The following RPA3 variants were observed in gnomAD, a reference collection of about 807,000 sequenced individuals.
The protein encoded by RPA3 is replication protein A 14 kDa subunit.
RPA3 carries 24 observed loss-of-function variants against 13.7 expected under a neutral mutation model. That is an observed-to-expected ratio of 1.75 (90% CI 1.27 to 2.46). The LOEUF (loss-of-function observed/expected upper bound fraction) is 2.46, where lower values mean the gene tolerates loss of function less well. Ranked by LOEUF, RPA3 falls within the 30% of genes most tolerant of loss-of-function variation. The pLI is 0.00. For synonymous variants in RPA3, 59 were observed against 51.2 expected (o/e 1.15, Z -0.65); for missense variants, 183 against 151.0 (o/e 1.21, Z -1.11).
intron 5 of RPA3, among the ~76,000 whole-genome samples, chr7:7,639,632 C>G (rs191698911): frequency 4.3e-4 from 66 of 152,322 alleles, no homozygotes; most frequent in African/African-American, 1.5e-3. Context: ...TGCCGAGTTT[C>G]TGAGCATTTT....
At chr7:7,689,074 T>C (rs1780109729) in intron 2 of RPA3, among the ~76,000 whole-genome samples, 1 of 152,154 alleles carries the variant, frequency 6.6e-6, no homozygotes, top group Non-Finnish European at 1.5e-5. Context: ...CCATGCGTTT[T>C]AGGAGAGCCA....
chr7:7,692,942 A>C (rs915398399), intron 2 of RPA3, among the ~76,000 whole-genome samples: 2 of 151,996 alleles, frequency 1.3e-5, no homozygotes, highest in African/African-American at 4.8e-5. Context: ...TTTCATGTGA[A>C]CCTTTTTGTT....
intron 4 of RPA3, among the ~76,000 whole-genome samples, chr7:7,658,288 C>G (rs140561372): frequency 6.6e-6 from 1 of 152,198 alleles, no homozygotes; most frequent in African/African-American, 2.4e-5. Context: ...TTTTCCTATT[C>G]GAATACCCCT....
intron 2 of RPA3, among the ~76,000 whole-genome samples, 182 bp downstream of exon 2, chr7:7,714,993 A>G (rs924637764): frequency 6.6e-6 from 1 of 152,098 alleles, no homozygotes; most frequent in East Asian, 1.9e-4. Flanking sequence ...TACAGTTGCC[A>G]TAGGCAGCAA....
At chr7:7,707,738 C>T (rs369574763) in intron 2 of RPA3, among the ~76,000 whole-genome samples, 3 of 152,104 alleles carry the variant, frequency 2.0e-5, no homozygotes, top group African/African-American at 4.8e-5. Flanking sequence ...TTTTAAAAAT[C>T]GGCCAAGGTA....
In RPA3 at chr7:7,637,985, A is replaced by C. The variant is rs773878798; in HGVS notation, c.175-13T>G. 1 of 1,598,980 alleles carries C rather than the reference A, an allele frequency of 6.3e-7. No homozygotes were observed. The highest frequency in any genetic ancestry group is 1.7e-5 in the Admixed American group (1 of 59,790). The stretch of plus-strand genomic sequence containing the variant: ...TTTCTTCATCAAGCTAAGACACAGA[A>C]CAAGACATCGATTTGGTGATATCAC... On this transcript the variant is annotated splice_polypyrimidine_tract_variant and intron_variant, in intron 6 of 7. Coordinates refer to ENST00000223129, the MANE Select transcript of RPA3 (RefSeq NM_002947.5).
chr7:7,703,460 CTA>C (rs1370566532), intron 2 of RPA3, among the ~76,000 whole-genome samples: 1 of 152,042 alleles, frequency 6.6e-6, no homozygotes, highest in African/African-American at 2.4e-5. Flanking sequence ...AAAAAGAAAA[CTA>C]AATTTTATTC....
chr7:7,664,329 G>A (rs1557997), intron 4 of RPA3, among the ~76,000 whole-genome samples: 97,126 of 151,678 alleles, frequency 0.64, 31,491 homozygotes, highest in East Asian at 0.87. Context: ...TAACTTCTTG[G>A]CTCCAGGCTC....
chr7:7,673,187 A>G, intron 4 of RPA3: 1 of 721,520 alleles, frequency 1.4e-6, no homozygotes, highest in Non-Finnish European at 2.4e-6. Context: ...ATGGTTTTAC[A>G]TGTGGCCATA....
intron 4 of RPA3, among the ~76,000 whole-genome samples, chr7:7,672,022 T>G (rs78730866): frequency 6.6e-6 from 1 of 152,194 alleles, no homozygotes; most frequent in Non-Finnish European, 1.5e-5. Flanking sequence ...GTTCATATCC[T>G]TCTCTGATCT....
At chr7:7,670,346 G>T (rs575929170) in intron 4 of RPA3, among the ~76,000 whole-genome samples, 1 of 152,152 alleles carries the variant, frequency 6.6e-6, no homozygotes, top group East Asian at 1.9e-4. Context: ...CTTCGTAAAG[G>T]GTCTCTCTAT....
At chr7:7,659,292 G>A (rs974584919) in intron 4 of RPA3, among the ~76,000 whole-genome samples, 1 of 151,964 alleles carries the variant, frequency 6.6e-6, no homozygotes, top group African/African-American at 2.4e-5. Flanking sequence ...GGTTTTTCAT[G>A]TCTCTATCTC....
At chr7:7,649,158 CA>C (rs34943326) in intron 4 of RPA3, among the ~76,000 whole-genome samples, 2,022 of 128,732 alleles carry the variant, frequency 0.016, 15 homozygotes, top group Non-Finnish European at 0.024. Flanking sequence ...GACTCCATCT[CA>C]AAAAAAAAAA....
At chr7:7,697,016 G>A (rs79754830) in intron 2 of RPA3, among the ~76,000 whole-genome samples, 3,617 of 152,242 alleles carry the variant, frequency 0.024, 146 homozygotes, top group African/African-American at 0.083. Context: ...TCCAAGGTCT[G>A]TATAACTTCT....
intron 4 of RPA3, among the ~76,000 whole-genome samples, chr7:7,659,623 G>C (rs191212449): frequency 3.9e-5 from 6 of 152,192 alleles, no homozygotes; most frequent in Middle Eastern, 3.2e-3. Flanking sequence ...TTTTGAGTGA[G>C]TTTCTTAATC....
In RPA3 at chr7:7,655,839, T is replaced by C. The variant is rs200269765; in HGVS notation, c.-757-14664A>G. On this transcript the variant is annotated intron_variant, in intron 4 of 7. Coordinates refer to ENST00000223129, the MANE Select transcript of RPA3 (RefSeq NM_002947.5). ...GGACAGTCTCTCTCTCTCTCTCTCT[T>C]TGTTTTTGTTTTTGAGACAGAGTTT... Among the ~76,000 whole-genome samples the C allele has an allele frequency of 5.5e-5, 8 of 144,948 alleles. No individual in the cohort carries two copies. In the South Asian group the frequency reaches 1.6e-3, roughly 29 times the overall value.
intron 4 of RPA3, among the ~76,000 whole-genome samples, chr7:7,669,266 T>C (rs779041710): frequency 1.1e-4 from 17 of 152,142 alleles, no homozygotes; most frequent in Admixed American, 5.9e-4. Flanking sequence ...TATTTTGATA[T>C]AGGGTCTGAC....
chr7:7,714,607 C>G (rs1780845855), intron 2 of RPA3, among the ~76,000 whole-genome samples: 1 of 152,112 alleles, frequency 6.6e-6, no homozygotes, highest in Admixed American at 6.5e-5. Flanking sequence ...TCTTTAAATT[C>G]TCATTTGCTT....
intron 4 of RPA3, among the ~76,000 whole-genome samples, chr7:7,684,945 T>G (rs1441152483): frequency 6.6e-6 from 1 of 152,224 alleles, no homozygotes. Context: ...TACCATGTTA[T>G]GTACATGGAA....
Sources: allele counts gnomAD v4.1 joint callset (sites outside exome capture counted in the v4.1 genomes callset), GRCh38; gene constraint gnomAD v4.1.1; transcripts MANE v1.5; gene names NCBI Gene and HGNC (gene_info 2026-07-23, HGNC 2026-07-21).